AUTS2: variants seen among roughly 807,000 people sequenced by gnomAD.
The protein encoded by AUTS2 is autism susceptibility gene 2 protein.
AUTS2 carries 17 observed loss-of-function variants against 112.4 expected under a neutral mutation model. The ratio of observed to expected loss-of-function variants is 0.15; its 90% CI spans 0.10 to 0.23. The LOEUF (loss-of-function observed/expected upper bound fraction) is 0.23. Ranked by LOEUF, AUTS2 falls within the 10% of genes least tolerant of loss-of-function variation. The pLI is 1.00. For missense variants in AUTS2, 1,510 were observed against 1,701.6 expected (o/e 0.89, Z 1.98); for synonymous variants, 751 against 702.7 (o/e 1.07, Z -1.09).
intron 4 of AUTS2, among the ~76,000 whole-genome samples, chr7:70,346,485 C>G (rs1791501512): frequency 6.6e-6 from 1 of 152,160 alleles, no homozygotes; most frequent in African/African-American, 2.4e-5. Flanking sequence ...TGGCTAGTTT[C>G]TCATTTGCGG....
intron 5 of AUTS2, among the ~76,000 whole-genome samples, chr7:70,604,626 G>C (rs370408866): frequency 1.3e-5 from 2 of 152,234 alleles, no homozygotes; most frequent in East Asian, 3.9e-4. Context: ...GTCAGAGCTT[G>C]AAGGGAATTA....
chr7:69,905,936 G>T (rs1405930989), intron 2 of AUTS2, among the ~76,000 whole-genome samples: 1 of 152,208 alleles, frequency 6.6e-6, no homozygotes, highest in Non-Finnish European at 1.5e-5. Flanking sequence ...CCATAAAACA[G>T]TGACCTTTTA....
At chr7:69,949,962 T>C (rs1796961312) in intron 2 of AUTS2, among the ~76,000 whole-genome samples, 1 of 152,170 alleles carries the variant, frequency 6.6e-6, no homozygotes, top group Non-Finnish European at 1.5e-5. Flanking sequence ...TGGTGTGTAC[T>C]TCAGGTACTT....
chr7:70,734,038 G>A lies in AUTS2; in HGVS notation c.743-28832G>A, dbSNP rs78086647. Among the ~76,000 whole-genome samples the A allele has an allele frequency of 1.8e-3, 281 of 152,096 alleles. 1 individual carries two copies. Among genetic ancestry groups the A allele is most frequent in the Admixed American group, 3.2e-3 (49 of 15,276 alleles). ...ATTTTTCAGAATCCCTTTGAACCCC[G>A]GCAACATGGGACAGAGCTGAGAGCA... is the stretch of plus-strand genomic sequence containing the variant. On this transcript the variant is annotated intron_variant, in intron 6 of 18. Coordinates refer to ENST00000342771, the MANE Select transcript of AUTS2 (RefSeq NM_015570.4).
chr7:69,623,469 G>A (rs1437512173), intron 1 of AUTS2, among the ~76,000 whole-genome samples: 1 of 142,894 alleles, frequency 7.0e-6, no homozygotes, highest in African/African-American at 2.6e-5. Context: ...TGGGCTCAAG[G>A]AATCTAGCTG....
At chr7:70,580,693 G>T (rs1411608413) in intron 5 of AUTS2, among the ~76,000 whole-genome samples, 1 of 152,116 alleles carries the variant, frequency 6.6e-6, no homozygotes, top group African/African-American at 2.4e-5. Context: ...AATTGAAAAA[G>T]ACATTTTTTC....
chr7:69,899,172 C>T (rs1297538823), intron 1 of AUTS2, 114 bp from the exon 2 acceptor site: 5 of 749,654 alleles, frequency 6.7e-6, no homozygotes, highest in Non-Finnish European at 8.9e-6. Context: ...ATCCCACTTT[C>T]CTATCCCTCT....
intron 5 of AUTS2, among the ~76,000 whole-genome samples, chr7:70,542,111 T>C (rs1185660952): frequency 4.6e-5 from 7 of 152,176 alleles, no homozygotes; most frequent in African/African-American, 1.7e-4. Context: ...GCATGTGAAA[T>C]GTATTTATGT....
chr7:70,488,334 C>T (rs370863345), intron 5 of AUTS2, among the ~76,000 whole-genome samples: 16 of 152,150 alleles, frequency 1.1e-4, no homozygotes, highest in African/African-American at 3.1e-4. Context: ...CTGGAGAGTG[C>T]GCCAGGTGCC....
At chr7:70,380,402 G>C (rs1793314034) in intron 4 of AUTS2, among the ~76,000 whole-genome samples, 1 of 152,184 alleles carries the variant, frequency 6.6e-6, no homozygotes, top group South Asian at 2.1e-4. Flanking sequence ...GGTAGAAATT[G>C]AGTACTGGAG....
At chr7:70,002,231 A>G (rs1799231970) in intron 2 of AUTS2, among the ~76,000 whole-genome samples, 1 of 152,192 alleles carries the variant, frequency 6.6e-6, no homozygotes, top group African/African-American at 2.4e-5. Flanking sequence ...GACAGAATGC[A>G]TTTGGCTTTC....
intron 5 of AUTS2, among the ~76,000 whole-genome samples, chr7:70,548,005 T>A (rs942104449): frequency 2.0e-5 from 3 of 152,224 alleles, no homozygotes. Flanking sequence ...CTCATTATGG[T>A]TGTAGTTTGT....
intron 2 of AUTS2, among the ~76,000 whole-genome samples, chr7:70,085,855 A>G (rs1297780776): frequency 1.3e-5 from 2 of 152,202 alleles, no homozygotes; most frequent in Admixed American, 6.5e-5. Context: ...TGGGCCAAGA[A>G]AAGCTCACAG....
At chr7:70,444,501 A>T (rs972897128) in intron 5 of AUTS2, among the ~76,000 whole-genome samples, 2 of 152,142 alleles carry the variant, frequency 1.3e-5, no homozygotes, top group African/African-American at 4.8e-5. Context: ...TATCTATATT[A>T]GGATGTGTTA....
Position 70,785,139 on chromosome 7 carries a change from T to C in AUTS2, c.2224+120T>C, listed in dbSNP as rs2293503. On this transcript the variant is annotated intron_variant, in intron 16 of 18. Coordinates refer to ENST00000342771, the MANE Select transcript of AUTS2 (RefSeq NM_015570.4). ...GGAGTCCCAGATACCCTGCTTACCA[T>C]TTAGGCAGGAGATGGTGCTCTCTTA... The C allele has an allele frequency of 0.56, 546,770 of 973,546 alleles. 154,850 individuals carry two copies. Among genetic ancestry groups the C allele is most frequent in the Admixed American group, 0.58 (29,198 of 50,328 alleles). The allele number at this position is 973,546 out of a possible 1,614,324, so 60.3% of individuals were successfully genotyped here. A position where few individuals can be genotyped will look rare whatever the true frequency, so the allele number is the denominator to read the frequency against.
chr7:69,649,170 G>A (rs1052827004), intron 1 of AUTS2, among the ~76,000 whole-genome samples: 2 of 152,148 alleles, frequency 1.3e-5, no homozygotes, highest in Non-Finnish European at 1.5e-5. Flanking sequence ...ACTACACTTT[G>A]TCTCGGACCT....
intron 5 of AUTS2, among the ~76,000 whole-genome samples, chr7:70,484,375 A>G (rs142203762): frequency 2.0e-5 from 3 of 152,212 alleles, no homozygotes; most frequent in African/African-American, 7.2e-5. Context: ...CCAAACTGAC[A>G]TCATGTTTTG....
intron 5 of AUTS2, among the ~76,000 whole-genome samples, chr7:70,547,347 C>T (rs916399636): frequency 1.3e-5 from 2 of 152,168 alleles, no homozygotes; most frequent in Non-Finnish European, 2.9e-5. Context: ...CTCCGCCTCC[C>T]GGGGTCAAGC....
At chr7:70,177,972 GTGGCATGATCT>G (rs1387486958) in intron 4 of AUTS2, among the ~76,000 whole-genome samples, 1 of 150,130 alleles carries the variant, frequency 6.7e-6, no homozygotes, top group South Asian at 2.1e-4. Flanking sequence ...CTGGAGTGCA[GTGGCATGATCT>G]TGGCTCACTG....
Sources: allele counts gnomAD v4.1 joint callset (sites outside exome capture counted in the v4.1 genomes callset), GRCh38; gene constraint gnomAD v4.1.1; transcripts MANE v1.5; gene names NCBI Gene and HGNC (gene_info 2026-07-23, HGNC 2026-07-21).